DCC: variants seen among roughly 807,000 people sequenced by gnomAD.
DCC encodes the protein DCC netrin 1 receptor, also known as netrin receptor DCC.
DCC carries 58 observed loss-of-function variants against 172.5 expected under a neutral mutation model. That is an observed-to-expected ratio of 0.34 (90% CI 0.27 to 0.42). DCC has a LOEUF of 0.42. DCC is among the 10% of genes least tolerant of loss of function. The pLI, the probability that DCC is intolerant of heterozygous loss-of-function variation, is 1.00. For missense variants in DCC, 1,740 were observed against 1,791.0 expected (o/e 0.97, Z 0.51); for synonymous variants, 709 against 644.5 (o/e 1.10, Z -1.52).
At chr18:52,626,927 C>T (rs2034584198) in intron 1 of DCC, among the ~76,000 whole-genome samples, 1 of 152,038 alleles carries the variant, frequency 6.6e-6, no homozygotes, top group Non-Finnish European at 1.5e-5. Context: ...ATGGAGGGTT[C>T]CTTGGTATCA....
At chr18:52,977,896 G>GA (rs2041148110) in intron 5 of DCC, among the ~76,000 whole-genome samples, 1 of 142,450 alleles carries the variant, frequency 7.0e-6, no homozygotes, top group Non-Finnish European at 1.5e-5. Context: ...AAAAAAAAAA[G>GA]AAAAGAAAAA....
chr18:52,881,148 T>G (rs2039479739), intron 2 of DCC, among the ~76,000 whole-genome samples: 1 of 152,168 alleles, frequency 6.6e-6, no homozygotes, highest in Non-Finnish European at 1.5e-5. Flanking sequence ...CTTTGCCATT[T>G]TATTATCTTC....
At position 53,178,946 on chromosome 18, in the gene DCC, A is replaced by G. The variant is rs767189881; in HGVS notation, c.1419-16A>G. The G allele has an allele frequency of 1.9e-6, 3 of 1,613,866 alleles. No homozygotes were observed. The highest frequency in any genetic ancestry group is 1.7e-6 in the Non-Finnish European group (2 of 1,179,832). ...TCTTTTTGGAATAATCTTTCTCTGC[A>G]ACTTTGATTTCTCAGGGAACGAGCA... On this transcript the variant is annotated splice_polypyrimidine_tract_variant and intron_variant, in intron 8 of 28. Coordinates refer to ENST00000442544, the MANE Select transcript of DCC (RefSeq NM_005215.4).
intron 5 of DCC, among the ~76,000 whole-genome samples, chr18:53,034,986 C>T (rs2042073733): frequency 6.6e-6 from 1 of 152,080 alleles, no homozygotes; most frequent in Non-Finnish European, 1.5e-5. Context: ...TTCACATCCT[C>T]TCTTCTCCTT....
chr18:53,476,202 A>G (rs2045760226), intron 25 of DCC, among the ~76,000 whole-genome samples: 1 of 152,178 alleles, frequency 6.6e-6, no homozygotes, highest in Non-Finnish European at 1.5e-5. Context: ...GTCTCAGATG[A>G]GATGTCGGGC....
intron 26 of DCC, among the ~76,000 whole-genome samples, chr18:53,496,015 A>G (rs1847126): frequency 0.86 from 130,755 of 152,130 alleles, 56,401 homozygotes; most frequent in Non-Finnish European, 0.88. Flanking sequence ...GGGAAGGGGC[A>G]GCTATGGGCA....
At chr18:53,343,193 T>C (rs1411717046) in intron 15 of DCC, among the ~76,000 whole-genome samples, 1 of 151,914 alleles carries the variant, frequency 6.6e-6, no homozygotes, top group Non-Finnish European at 1.5e-5. Context: ...GATTAGGATC[T>C]GTAGTAAAAT....
chr18:53,515,320 T>C (rs1170956410), intron 27 of DCC, among the ~76,000 whole-genome samples: 1 of 150,180 alleles, frequency 6.7e-6, no homozygotes, highest in Non-Finnish European at 1.5e-5. Context: ...GAGCTATCTA[T>C]GAGAAACCCA....
intron 1 of DCC, among the ~76,000 whole-genome samples, chr18:52,647,776 A>G (rs1229717146): frequency 1.3e-5 from 2 of 152,230 alleles, no homozygotes; most frequent in African/African-American, 4.8e-5. Context: ...AGTTTTAGTC[A>G]CTAACTTATT....
Position 52,995,903 on chromosome 18 carries a change from C to CT in DCC, c.986-67391dup, listed in dbSNP as rs573744606. Among the ~76,000 whole-genome samples, 938 of 146,790 alleles carry CT rather than the reference C, an allele frequency of 6.4e-3. 8 individuals carry two copies. Among genetic ancestry groups the CT allele is most frequent in the African/African-American group, 0.02 (818 of 40,166 alleles). On this transcript the variant is annotated intron_variant, in intron 5 of 28. Coordinates refer to ENST00000442544, the MANE Select transcript of DCC (RefSeq NM_005215.4). ...CCCAGCTTTTTGTTTCTGTCTCCTGCTTTTTTTTTTTCCCAGTGAAGTTGC... is the reference window on the plus strand; with the variant it reads ...CCCAGCTTTTTGTTTCTGTCTCCTGCTTTTTTTTTTTTCCCAGTGAAGTTGC...
chr18:52,366,873 A>T (rs1984887140), intron 1 of DCC, among the ~76,000 whole-genome samples: 2 of 152,334 alleles, frequency 1.3e-5, no homozygotes, highest in South Asian at 2.1e-4. Flanking sequence ...CTGCAGGTGG[A>T]GCTGCCTGCC....
intron 2 of DCC, among the ~76,000 whole-genome samples, chr18:52,779,161 CT>C (rs201972311): frequency 4.0e-5 from 6 of 151,476 alleles, no homozygotes; most frequent in African/African-American, 9.7e-5. Context: ...ATCCATAAAT[CT>C]TTTTTTTTAT....
At chr18:52,371,561 T>C (rs1454229758) in intron 1 of DCC, among the ~76,000 whole-genome samples, 3 of 152,214 alleles carry the variant, frequency 2.0e-5, no homozygotes, top group Non-Finnish European at 2.9e-5. Context: ...TTTACCCTTT[T>C]TCACCTTCTT....
chr18:52,373,599 C>T (rs1398981773), intron 1 of DCC, among the ~76,000 whole-genome samples: 1 of 152,136 alleles, frequency 6.6e-6, no homozygotes, highest in African/African-American at 2.4e-5. Context: ...TGGGCATTCT[C>T]TTTTGACCTT....
intron 2 of DCC, among the ~76,000 whole-genome samples, chr18:52,824,767 C>T (rs1943119): frequency 0.27 from 40,232 of 151,768 alleles, 5,470 homozygotes; most frequent in South Asian, 0.3. Flanking sequence ...GGTCAGGAGT[C>T]CAAGACCAAC....
chr18:53,047,270 A>T (rs561655579), intron 5 of DCC, among the ~76,000 whole-genome samples: 67 of 12,294 alleles, frequency 5.4e-3, no homozygotes, highest in African/African-American at 0.03. Context: ...ATATATATAT[A>T]TATATATATA....
chr18:52,803,895 GA>G (rs1459316817), intron 2 of DCC, among the ~76,000 whole-genome samples: 1 of 152,108 alleles, frequency 6.6e-6, no homozygotes, highest in Non-Finnish European at 1.5e-5. Flanking sequence ...CGATGAAATA[GA>G]TATTTTTAAT....
At chr18:52,799,488 A>T (rs1321685175) in intron 2 of DCC, among the ~76,000 whole-genome samples, 2 of 152,230 alleles carry the variant, frequency 1.3e-5, no homozygotes, top group Non-Finnish European at 2.9e-5. Flanking sequence ...GCACACCTAC[A>T]ATTGGGCAAA....
chr18:52,895,928 G>A (rs1336084600), intron 2 of DCC, among the ~76,000 whole-genome samples: 1 of 152,084 alleles, frequency 6.6e-6, no homozygotes, highest in African/African-American at 2.4e-5. Context: ...GGAATTAAAG[G>A]CGCACACAAC....
Sources: allele counts gnomAD v4.1 joint callset (sites outside exome capture counted in the v4.1 genomes callset), GRCh38; gene constraint gnomAD v4.1.1; transcripts MANE v1.5; gene names NCBI Gene and HGNC (gene_info 2026-07-23, HGNC 2026-07-21).